The following CIAO3 variants were observed in gnomAD, a reference collection of about 807,000 sequenced individuals.
CIAO3 encodes cytosolic iron-sulfur assembly component 3, also known as LET1 like/JFP15.
A neutral mutation model predicts 51.5 loss-of-function variants in CIAO3; 45 were observed. That is an observed-to-expected ratio of 0.87 (90% confidence interval 0.69 to 1.12). The LOEUF is 1.12. CIAO3 is among the 50% of genes most tolerant of loss of function. The probability of loss-of-function intolerance (pLI) is 0.00; values close to 1 mark genes in which losing one functional copy is unlikely to be tolerated. For missense variants in CIAO3, 668 were observed against 632.5 expected (o/e 1.06, Z -0.60); for synonymous variants, 314 against 269.3 (o/e 1.17, Z -1.63).
At position 734,654 on chromosome 16, in the gene CIAO3, C is replaced by A. The variant is rs202145069; in HGVS notation, c.574+83G>T. On this transcript the variant is annotated intron_variant, in intron 5 of 10. Transcript: ENST00000251588. ...CTTGCGTCTCCACCCCCCATGCCCC[C>A]GCCTTGTCATTTGTGTCCATATCAC... The A allele has an allele frequency of 2.0e-4, 329 of 1,609,308 alleles. 4 individuals carry two copies. In the Middle Eastern group the frequency reaches 4.6e-3, roughly 23 times the overall value.
chr16:734,379 G>T, intron 5 of CIAO3, 32 bp from the exon 6 acceptor site: 1 of 1,517,166 alleles, frequency 6.6e-7, no homozygotes, highest in Non-Finnish European at 9.0e-7. Context: ...GGGGCTGGCG[G>T]GGGCGCACGG....
chr16:739,759 A>G (rs748254214), intron 1 of CIAO3, 21 bp from the exon 2 acceptor site: 1 of 1,610,874 alleles, frequency 6.2e-7, no homozygotes, highest in South Asian at 1.1e-5. Context: ...AAGAGACCCC[A>G]AATCAGCCCC....
intron 4 of CIAO3, among the ~76,000 whole-genome samples, chr16:735,677 G>T (rs1039025543): frequency 6.6e-6 from 1 of 152,164 alleles, no homozygotes; most frequent in Admixed American, 6.5e-5. Flanking sequence ...GGAGCCATGG[G>T]GCACCTGCCA....
chr16:734,142 G>GT, intron 6 of CIAO3, 87 bp downstream of exon 6: 1 of 1,209,844 alleles, frequency 8.3e-7, no homozygotes. Context: ...CGAGGACTCT[G>GT]TTTCCTGCAG....
At position 737,076 on chromosome 16, in the gene CIAO3, C is replaced by A; in HGVS notation, c.306+110G>T. On this transcript the variant is annotated intron_variant, in intron 3 of 10. Transcript: ENST00000251588. This position sits in a 1 kb window ranked among gnomAD's most constrained non-coding sequence, Gnocchi z 5.3. Reference sequence around the variant, plus strand: ...CCAAGCCTCAAAAAGGCAGGCGCCACCCGCACGACGGACGTCGGCACCACA... The same window carrying A: ...CCAAGCCTCAAAAAGGCAGGCGCCAACCGCACGACGGACGTCGGCACCACA... 1 of 1,441,810 alleles carries A rather than the reference C, an allele frequency of 6.9e-7. No individual in the cohort carries two copies. Among genetic ancestry groups the A allele is most frequent in the Non-Finnish European group, 9.6e-7 (1 of 1,040,388 alleles). 89.3% of individuals were successfully genotyped at this position (1,441,810 alleles called of 1,614,324 possible). A position where few individuals can be genotyped will look rare whatever the true frequency, so the allele number is the denominator to read the frequency against.
At chr16:738,195 C>T (rs2041357942) in intron 2 of CIAO3, 1 of 996,512 alleles carries the variant, frequency 1.0e-6, no homozygotes, top group African/African-American at 1.7e-5. Flanking sequence ...GACAGCCACG[C>T]CTACCAGCAC....
chr16:734,552 G>T, intron 5 of CIAO3, 185 bp downstream of exon 5: 1 of 1,125,630 alleles, frequency 8.9e-7, no homozygotes, highest in Non-Finnish European at 1.3e-6. Flanking sequence ...GACTGCGCGT[G>T]GCTCCCACGG....
chr16:735,702 C>T (rs570533312), intron 4 of CIAO3, among the ~76,000 whole-genome samples: 18 of 152,312 alleles, frequency 1.2e-4, no homozygotes, highest in African/African-American at 4.1e-4. Context: ...CACCAGGTTT[C>T]CAGTGTGAGG....
intron 2 of CIAO3, 86 bp downstream of exon 2, chr16:739,557 C>T: frequency 7.5e-7 from 1 of 1,339,210 alleles, no homozygotes; most frequent in South Asian, 1.2e-5. Flanking sequence ...GTCTCGGGGT[C>T]ACCGCTCTGT....
intron 1 of CIAO3, 56 bp downstream of exon 1, chr16:740,864 T>G: frequency 6.8e-7 from 1 of 1,477,946 alleles, no homozygotes; most frequent in Non-Finnish European, 9.1e-7. Flanking sequence ...GCAATTTCCC[T>G]CCGCGCGACA....
chr16:733,995 A>G (rs953262515), intron 6 of CIAO3: 16 of 519,114 alleles, frequency 3.1e-5, no homozygotes, highest in Non-Finnish European at 5.3e-5. Context: ...CTGCTCCCTC[A>G]GCCTCAGGCC....
At position 734,721 on chromosome 16, in the gene CIAO3, C is replaced by T. The variant is rs201845857; in HGVS notation, c.574+16G>A. 3.1e-5 allele frequency: 50 copies of T among 1,612,790 alleles called. No homozygotes were observed. The highest frequency in any genetic ancestry group is 1.2e-4 in the South Asian group (11 of 91,084). On this transcript the variant is annotated intron_variant, in intron 5 of 10. Coordinates refer to ENST00000251588, the MANE Select transcript of CIAO3 (RefSeq NM_022493.3). ...ACTTGAACTTGACTCTCCCACCACC[C>T]GCACCATGAGCACACCTGGGCAGGC... is the stretch of plus-strand genomic sequence containing the variant.
chr16:740,583 A>C, intron 1 of CIAO3: 1 of 420,954 alleles, frequency 2.4e-6, no homozygotes. Flanking sequence ...AGGGTTAGGG[A>C]TGTGTGGGAG....
chr16:740,119 C>T, intron 1 of CIAO3: 10 of 1,310,488 alleles, frequency 7.6e-6, no homozygotes, highest in African/African-American at 1.5e-5. Flanking sequence ...TGGAGACCAC[C>T]TCCTGCTCAG....
chr16:734,798 C>T lies in CIAO3; in HGVS notation c.513G>A (p.Arg171=). The change falls in exon 5 of 11, where the codon CGG becomes CGA. Residue 171 remains arginine (R), a synonymous_variant. Coordinates refer to ENST00000251588, the MANE Select transcript of CIAO3 (RefSeq NM_022493.3). Reference sequence around the variant, plus strand: ...TGCAGTCGGCCTGTCCTCGGAATCGCCGCACAAACTCTCGCTGGCTCTCCA... The same window carrying T: ...TGCAGTCGGCCTGTCCTCGGAATCGTCGCACAAACTCTCGCTGGCTCTCCA... ...SLLESQREFV[R]RFRGQADCRQ... is the part of the protein sequence containing the mutation. The T allele has an allele frequency of 6.2e-7, 1 of 1,607,316 alleles. No individual in the cohort carries two copies. The highest frequency in any genetic ancestry group is 8.5e-7 in the Non-Finnish European group (1 of 1,175,684).
chr16:731,402 C>T (rs923928228), intron 9 of CIAO3, 163 bp downstream of exon 9: 10 of 1,020,878 alleles, frequency 9.8e-6, no homozygotes, highest in African/African-American at 1.6e-5. Context: ...ACACCCTGAG[C>T]CCGCCAGGAG....
Position 733,316 on chromosome 16 carries a change from C to T in CIAO3, c.805G>A (p.Asp269Asn), listed in dbSNP as rs1424222676. 6.2e-7 allele frequency: 1 copy of T among 1,613,572 alleles called. No individual in the cohort carries two copies. The highest frequency in any genetic ancestry group is 8.5e-7 in the Non-Finnish European group (1 of 1,180,002). Reference sequence around the variant, plus strand: ...ACCGCACCTGTTGTGAGGACACAGTCCACATCCCGTGTCTGGTGCTCCTGG... The same window carrying T: ...ACCGCACCTGTTGTGAGGACACAGTTCACATCCCGTGTCTGGTGCTCCTGG... ...FNQEHQTRDV[D>N]CVLTTGEVFR... Residue 269 changes from aspartate to asparagine, a missense_variant, in exon 7 of 11, where the codon GAC (aspartate) becomes AAC (asparagine). Physicochemically the swap from Asp to Asn is conservative, Grantham distance 23 (BLOSUM62 1). Coordinates refer to ENST00000251588, the MANE Select transcript of CIAO3 (RefSeq NM_022493.3).
intron 4 of CIAO3, among the ~76,000 whole-genome samples, chr16:736,019 A>G (rs540939368): frequency 2.0e-4 from 31 of 152,214 alleles, no homozygotes; most frequent in Non-Finnish European, 4.0e-4. Context: ...TAAAAAGTAC[A>G]AGGAGTTGGT....
In CIAO3 at chr16:729,933, T is replaced by C. The variant is rs374782244; in HGVS notation, c.*484A>G. On this transcript the variant is annotated 3_prime_UTR_variant, in exon 11 of 11. Coordinates refer to ENST00000251588, the MANE Select transcript of CIAO3 (RefSeq NM_022493.3). ...TTTCCAGGGGCCTGGCACCCCCCCCTGCCAGGGTCCACACGCAGGGTTGTG... is the reference window on the plus strand; with the variant it reads ...TTTCCAGGGGCCTGGCACCCCCCCCCGCCAGGGTCCACACGCAGGGTTGTG... The C allele has an allele frequency of 2.1e-5, 7 of 340,558 alleles. No individual in the cohort carries two copies. The highest frequency in any genetic ancestry group is 9.0e-5 in the African/African-American group (4 of 44,378). The allele number at this position is 340,558 out of a possible 1,614,324, so 21.1% of individuals were successfully genotyped here. A position where few individuals can be genotyped will look rare whatever the true frequency, so the allele number is the denominator to read the frequency against.
Sources: allele counts gnomAD v4.1 joint callset (sites outside exome capture counted in the v4.1 genomes callset), GRCh38; gene constraint gnomAD v4.1.1; non-coding constraint Gnocchi (gnomAD v3.1); transcripts MANE v1.5; gene names NCBI Gene and HGNC (gene_info 2026-07-23, HGNC 2026-07-21).